The following NXPE4 variants were observed in gnomAD, a reference collection of about 807,000 sequenced individuals.
The protein encoded by NXPE4 is neurexophilin and PC-esterase domain family member 4.
In NXPE4, 42 loss-of-function variants were observed where a neutral mutation model predicts 33.3. The observed-to-expected ratio is 1.26, with a 90% confidence interval of 0.98 to 1.63. NXPE4 has a LOEUF of 1.63. Among genes scored for constraint, NXPE4 ranks in the 40% most tolerant of loss-of-function variants. The pLI, the probability that NXPE4 is intolerant of heterozygous loss-of-function variation, is 0.00. For missense variants in NXPE4, 709 were observed against 647.6 expected, an observed-to-expected ratio of 1.09 and a Z score of -1.03; for synonymous variants, 253 against 234.9, an observed-to-expected ratio of 1.08 and a Z score of -0.71.
chr11:114,606,865 A>C, the NXPE4 span, among the ~76,000 whole-genome samples: 1 of 147,830 alleles, frequency 6.8e-6, no homozygotes. Context: ...ACTGTTATGC[A>C]GTGGATAATA....
At chr11:114,643,436 A>C in the NXPE4 span, among the ~76,000 whole-genome samples, 2 of 152,050 alleles carry the variant, frequency 1.3e-5, no homozygotes, top group African/African-American at 4.8e-5. Context: ...TTTTTGTATA[A>C]GGTGTAAGGA....
At chr11:114,634,063 G>A in the NXPE4 span, among the ~76,000 whole-genome samples, 1 of 151,722 alleles carries the variant, frequency 6.6e-6, no homozygotes, top group African/African-American at 2.4e-5. Context: ...GATTGAACTA[G>A]TTTACAGTTC....
At chr11:114,591,432 G>A (rs1006383751) in intron 2 of NXPE4, among the ~76,000 whole-genome samples, 2 of 152,144 alleles carry the variant, frequency 1.3e-5, no homozygotes, top group African/African-American at 4.8e-5. Flanking sequence ...TGCATTGTAA[G>A]GGACATCAGA....
intron 2 of NXPE4, chr11:114,584,302 AT>A (rs1565334777): frequency 2.0e-6 from 1 of 512,142 alleles, no homozygotes; most frequent in Non-Finnish European, 4.0e-6. Context: ...TCCTTCCAAT[AT>A]GACTAACCAG....
the NXPE4 span, among the ~76,000 whole-genome samples, chr11:114,628,418 C>T: frequency 6.6e-6 from 1 of 152,192 alleles, no homozygotes; most frequent in Non-Finnish European, 1.5e-5. Flanking sequence ...TTCTGAATGA[C>T]TACTGGGTAC....
At chr11:114,640,622 GTTT>G in the NXPE4 span, among the ~76,000 whole-genome samples, 1 of 151,830 alleles carries the variant, frequency 6.6e-6, no homozygotes, top group African/African-American at 2.4e-5. Context: ...ACATCTGTTG[GTTT>G]TTTACTTTTT....
At chr11:114,675,763 T>A in the NXPE4 span, among the ~76,000 whole-genome samples, 1 of 151,930 alleles carries the variant, frequency 6.6e-6, no homozygotes, top group Non-Finnish European at 1.5e-5. Context: ...GAAACTTACA[T>A]GGAACCACAA....
the NXPE4 span, among the ~76,000 whole-genome samples, chr11:114,628,130 C>G: frequency 4.2e-5 from 6 of 143,638 alleles, no homozygotes; most frequent in Non-Finnish European, 6.1e-5. Context: ...AAGTCAACAA[C>G]GATACCCAAG....
the NXPE4 span, among the ~76,000 whole-genome samples, chr11:114,643,304 T>G: frequency 6.6e-6 from 1 of 152,172 alleles, no homozygotes; most frequent in South Asian, 2.1e-4. Flanking sequence ...CCACTGCTTT[T>G]GGTGTTTTAG....
the NXPE4 span, among the ~76,000 whole-genome samples, chr11:114,632,287 T>G: frequency 7.2e-6 from 1 of 138,508 alleles, no homozygotes; most frequent in Non-Finnish European, 1.5e-5. Flanking sequence ...ACTATATATG[T>G]ATATTATCCA....
chr11:114,601,972 T>A, the NXPE4 span, among the ~76,000 whole-genome samples: 1 of 86,634 alleles, frequency 1.2e-5, no homozygotes, highest in African/African-American at 4.7e-5. Flanking sequence ...ATATTATATA[T>A]TCTGTTATAT....
rs1214638629 is a variant in NXPE4, at chr11:114,571,285, C to T, written c.1288G>A (p.Val430Ile). Residue 430 changes from valine to isoleucine, a missense_variant, in exon 6 of 6, where the codon GTC becomes ATC. By Grantham distance (29) the Val-to-Ile change is conservative. Coordinates refer to ENST00000375478, the MANE Select transcript of NXPE4 (RefSeq NM_001077639.2). ...TGCTGGCCCAGGGAAATAACAATGA[C>T]AGTATTTTTTTCTCCTCCAGTTCTG... ...IDRTGGEKNTVIVISLGQHFR... is the reference protein window; with the variant it reads ...IDRTGGEKNTIIVISLGQHFR... 3 of 1,613,872 alleles carry T rather than the reference C, an allele frequency of 1.9e-6. No individual in the cohort carries two copies. Among genetic ancestry groups the T allele is most frequent in the Non-Finnish European group, 2.5e-6 (3 of 1,179,936 alleles).
At chr11:114,639,660 A>G in the NXPE4 span, among the ~76,000 whole-genome samples, 2 of 142,782 alleles carry the variant, frequency 1.4e-5, no homozygotes, top group African/African-American at 5.2e-5. Context: ...TATATAATTT[A>G]CTTGTATTAT....
the NXPE4 span, among the ~76,000 whole-genome samples, chr11:114,624,720 A>G: frequency 2.0e-5 from 3 of 152,088 alleles, no homozygotes; most frequent in South Asian, 6.2e-4. Flanking sequence ...CTCCTGGTGG[A>G]TAATAAGTAT....
At chr11:114,608,309 G>A in the NXPE4 span, among the ~76,000 whole-genome samples, 1 of 151,750 alleles carries the variant, frequency 6.6e-6, no homozygotes, top group Admixed American at 6.6e-5. Context: ...GTTGCATCAT[G>A]GGTAACCAGT....
chr11:114,659,181 A>G, the NXPE4 span, among the ~76,000 whole-genome samples: 129,589 of 152,176 alleles, frequency 0.85, 56,177 homozygotes, highest in Non-Finnish European at 0.92. Context: ...GTTTATGTTA[A>G]TCTATACTGT....
At chr11:114,609,803 T>C in the NXPE4 span, among the ~76,000 whole-genome samples, 21,471 of 151,528 alleles carry the variant, frequency 0.14, 1,938 homozygotes, top group East Asian at 0.37. Flanking sequence ...TGATGGATAA[T>C]AAGCATTGCC....
At chr11:114,609,354 A>G in the NXPE4 span, among the ~76,000 whole-genome samples, 8 of 150,354 alleles carry the variant, frequency 5.3e-5, no homozygotes, top group East Asian at 6.0e-4. Flanking sequence ...GTAATGTCTC[A>G]TTGGTAACCA....
At chr11:114,598,827 C>A (rs548314932), upstream of NXPE4, among the ~76,000 whole-genome samples, 1 of 152,032 alleles carries the variant, frequency 6.6e-6, no homozygotes, top group South Asian at 2.1e-4. Flanking sequence ...CTCTGAAATG[C>A]CTTTGAGGCC....
Sources: allele counts gnomAD v4.1 joint callset (sites outside exome capture counted in the v4.1 genomes callset), GRCh38; gene constraint gnomAD v4.1.1; transcripts MANE v1.5; gene names NCBI Gene and HGNC (gene_info 2026-07-23, HGNC 2026-07-21).